The following FRMD3 variants were observed in gnomAD, a reference collection of about 807,000 sequenced individuals.
FRMD3 encodes the protein FERM domain-containing protein 3.
Under a neutral mutation model 70.2 loss-of-function variants are expected in FRMD3, and 33 were observed. That is an observed-to-expected ratio of 0.47 (90% CI 0.36 to 0.63). FRMD3 has a LOEUF of 0.63. FRMD3 is among the 20% of genes least tolerant of loss of function. FRMD3 has a pLI of 0.00. For missense variants in FRMD3, 632 were observed against 711.4 expected (o/e 0.89, Z 1.27); for synonymous variants, 279 against 255.9 (o/e 1.09, Z -0.86).
intron 4 of FRMD3, among the ~76,000 whole-genome samples, chr9:83,345,627 G>C (rs1006249400): frequency 1.3e-5 from 2 of 151,892 alleles, no homozygotes; most frequent in African/African-American, 4.8e-5. Flanking sequence ...CGTGGTGGTG[G>C]GTGCCTATAA....
At chr9:83,269,239 T>A (rs117196678) in intron 13 of FRMD3, among the ~76,000 whole-genome samples, 2,268 of 152,312 alleles carry the variant, frequency 0.015, 22 homozygotes, top group Non-Finnish European at 0.022. Flanking sequence ...TTTATGTTTA[T>A]CATCATGTTA....
chr9:83,318,841 C>T (rs374309874), intron 6 of FRMD3, among the ~76,000 whole-genome samples: 163 of 152,238 alleles, frequency 1.1e-3, no homozygotes, highest in African/African-American at 3.8e-3. Context: ...AATAGTCTTT[C>T]TGACTGGTGT....
Position 83,538,244 on chromosome 9 carries a change from T to A in FRMD3, c.-13A>T. 1.3e-6 allele frequency: 2 copies of A among 1,551,306 alleles called. No homozygotes were observed. The highest frequency in any genetic ancestry group is 1.7e-6 in the Non-Finnish European group (2 of 1,147,476). On this transcript the variant is annotated 5_prime_UTR_variant, in exon 1 of 14. Coordinates refer to ENST00000304195, the MANE Select transcript of FRMD3 (RefSeq NM_174938.6). The surrounding 1 kb of genome is among the most constrained non-coding windows in gnomAD (Gnocchi z 4.7). ...AGGAGGCGAACATGCACCGCGGCCG[T>A]GGGGAGCGAGCGGGAGGCTCAGGGC...
intron 13 of FRMD3, among the ~76,000 whole-genome samples, chr9:83,272,636 G>A (rs1833615034): frequency 1.0e-5 from 1 of 98,496 alleles, no homozygotes; most frequent in Non-Finnish European, 2.1e-5. Context: ...CCTCTGCCCG[G>A]CTGCCCAGTC....
chr9:83,469,479 TGA>T (rs1314229899), intron 1 of FRMD3, among the ~76,000 whole-genome samples: 8 of 152,136 alleles, frequency 5.3e-5, no homozygotes, highest in Non-Finnish European at 1.5e-5. Flanking sequence ...CAAAGTCAAA[TGA>T]GAGAGTACAG....
the FRMD3 span, among the ~76,000 whole-genome samples, chr9:83,550,119 C>G: frequency 6.6e-6 from 1 of 151,852 alleles, no homozygotes; most frequent in Non-Finnish European, 1.5e-5. Context: ...CTTGAGTTGA[C>G]GTTTAGATAT....
chr9:83,362,670 A>C (rs1001320504), intron 3 of FRMD3, among the ~76,000 whole-genome samples: 2 of 152,208 alleles, frequency 1.3e-5, no homozygotes, highest in African/African-American at 4.8e-5. Context: ...TTAGAAGAGT[A>C]AGTGAGCTTT....
At chr9:83,447,745 C>T (rs1315771427) in intron 1 of FRMD3, among the ~76,000 whole-genome samples, 1 of 152,160 alleles carries the variant, frequency 6.6e-6, no homozygotes, top group South Asian at 2.1e-4. Flanking sequence ...GATTTTCCAG[C>T]ACAGGGTAGG....
At chr9:83,388,044 A>C (rs575792043) in intron 2 of FRMD3, among the ~76,000 whole-genome samples, 1 of 152,180 alleles carries the variant, frequency 6.6e-6, no homozygotes, top group East Asian at 1.9e-4. Flanking sequence ...CCTTCGTCTC[A>C]CTCAGGTAAA....
chr9:83,497,632 T>A (rs1828971206), intron 1 of FRMD3, among the ~76,000 whole-genome samples: 1 of 152,206 alleles, frequency 6.6e-6, no homozygotes, highest in African/African-American at 2.4e-5. Flanking sequence ...CAATGGGGTG[T>A]GAGCAGAAGG....
intron 13 of FRMD3, among the ~76,000 whole-genome samples, chr9:83,283,174 G>A (rs1834036809): frequency 6.6e-6 from 1 of 151,908 alleles, no homozygotes. Flanking sequence ...TTCTCAAGCT[G>A]TTCTTGGCAT....
intron 1 of FRMD3, among the ~76,000 whole-genome samples, chr9:83,445,357 G>T (rs577330917): frequency 6.7e-6 from 1 of 148,906 alleles, no homozygotes; most frequent in Admixed American, 7.0e-5. Context: ...TAGATAGATA[G>T]ATAGATAGAT....
rs552261056 is a variant in FRMD3, at chr9:83,340,591, GT to G, written c.472+2598del. Among the ~76,000 whole-genome samples, 467 of 152,298 alleles carry G rather than the reference GT, an allele frequency of 3.1e-3. 1 individual carries two copies. The highest frequency in any genetic ancestry group is 0.011 in the African/African-American group (445 of 41,562). ...ATAAGTTGAATTCCTCTGTGGTGTT[GT>G]TTTGTAAAAGGAACAGGAAAGATAT... On this transcript the variant is annotated intron_variant, in intron 5 of 13. Coordinates refer to ENST00000304195, the MANE Select transcript of FRMD3 (RefSeq NM_174938.6).
At chr9:83,356,394 G>T (rs1430856352) in intron 3 of FRMD3, among the ~76,000 whole-genome samples, 2 of 150,122 alleles carry the variant, frequency 1.3e-5, no homozygotes, top group East Asian at 2.0e-4. Context: ...TCCTGCTTCG[G>T]CCTCCCAAGT....
At chr9:83,463,570 C>G (rs970281345) in intron 1 of FRMD3, among the ~76,000 whole-genome samples, 1 of 152,168 alleles carries the variant, frequency 6.6e-6, no homozygotes, top group Non-Finnish European at 1.5e-5. Context: ...AATTACCTCC[C>G]ACCAGGTCCC....
At chr9:83,497,667 C>T (rs1828971727) in intron 1 of FRMD3, among the ~76,000 whole-genome samples, 1 of 152,178 alleles carries the variant, frequency 6.6e-6, no homozygotes, top group South Asian at 2.1e-4. Flanking sequence ...TGGATCTAAA[C>T]ATTTATGAGC....
chr9:83,299,245 C>G (rs1363083032), intron 10 of FRMD3, 59 bp from the exon 11 acceptor site: 2 of 1,075,948 alleles, frequency 1.9e-6, no homozygotes, highest in East Asian at 2.4e-5. Flanking sequence ...TTACAACATG[C>G]TATAGAGGTG....
chr9:83,324,459 T>C (rs558308655), intron 6 of FRMD3, among the ~76,000 whole-genome samples: 20 of 152,126 alleles, frequency 1.3e-4, no homozygotes, highest in Non-Finnish European at 2.5e-4. Context: ...ATTCTTTAAA[T>C]CCCACACATA....
intron 1 of FRMD3, among the ~76,000 whole-genome samples, chr9:83,482,112 G>A (rs1049594119): frequency 6.6e-6 from 1 of 152,084 alleles, no homozygotes; most frequent in Non-Finnish European, 1.5e-5. Context: ...CTGTCTCCAC[G>A]ATTACTTGGT....
Sources: allele counts gnomAD v4.1 joint callset (sites outside exome capture counted in the v4.1 genomes callset), GRCh38; gene constraint gnomAD v4.1.1; non-coding constraint Gnocchi (gnomAD v3.1); transcripts MANE v1.5; gene names NCBI Gene and HGNC (gene_info 2026-07-23, HGNC 2026-07-21).